Variants in GNG7 observed in about 807,000 individuals in gnomAD.
GNG7 encodes G protein subunit gamma 7, also known as guanine nucleotide-binding protein G(I)/G(S)/G(O) subunit gamma-7.
GNG7 carries 1 observed loss-of-function variant against 4.0 expected under a neutral mutation model. The observed-to-expected ratio is 0.25, with a 90% CI of 0.09 to 1.18. The LOEUF (loss-of-function observed/expected upper bound fraction) is 1.18, where lower values mean the gene tolerates loss of function less well. Ranked by LOEUF, GNG7 falls within the 50% of genes most tolerant of loss-of-function variation. The pLI is 0.50. For missense variants in GNG7, 86 were observed against 91.9 expected (o/e 0.94, Z 0.26); for synonymous variants, 34 against 36.9 (o/e 0.92, Z 0.29).
At chr19:2,589,966 C>T (rs776939471) in intron 2 of GNG7, among the ~76,000 whole-genome samples, 63 of 152,126 alleles carry the variant, frequency 4.1e-4, no homozygotes, top group Non-Finnish European at 7.6e-4. Context: ...CATGCACTGC[C>T]GTACTCAGCT....
At chr19:2,585,127 T>G (rs201908826) in intron 2 of GNG7, among the ~76,000 whole-genome samples, 46 of 64,662 alleles carry the variant, frequency 7.1e-4, no homozygotes, top group Middle Eastern at 5.1e-3. Context: ...AAGGTAGGAA[T>G]GAAGGAAGGA....
At chr19:2,676,102 G>C (rs1419065900) in intron 1 of GNG7, among the ~76,000 whole-genome samples, 1 of 152,222 alleles carries the variant, frequency 6.6e-6, no homozygotes, top group Non-Finnish European at 1.5e-5. Context: ...ACCAGCCCAG[G>C]GGCGCCAAGA....
At chr19:2,604,178 A>C (rs181439976) in intron 2 of GNG7, among the ~76,000 whole-genome samples, 1 of 152,084 alleles carries the variant, frequency 6.6e-6, no homozygotes, top group Non-Finnish European at 1.5e-5. Context: ...AACACACTGA[A>C]AAGTGGTCTT....
intron 4 of GNG7, among the ~76,000 whole-genome samples, chr19:2,517,523 C>T (rs919599582): frequency 6.6e-6 from 1 of 152,092 alleles, no homozygotes; most frequent in African/African-American, 2.4e-5. Context: ...CGCCACCACG[C>T]CAGGGTAATT....
intron 2 of GNG7, among the ~76,000 whole-genome samples, chr19:2,637,217 C>CCCA (rs386388382): frequency 0.017 from 2,647 of 152,006 alleles, 34 homozygotes; most frequent in Non-Finnish European, 0.027. Context: ...CAGGCTCCCC[C>CCCA]CGCCCCCGAG....
chr19:2,532,537 G>A (rs2144738977), intron 3 of GNG7, among the ~76,000 whole-genome samples: 1 of 152,230 alleles, frequency 6.6e-6, no homozygotes, highest in South Asian at 2.1e-4. Context: ...GGAGGAGAGA[G>A]AGAATGAAGC....
chr19:2,591,677 G>C (rs922068900), intron 2 of GNG7, among the ~76,000 whole-genome samples: 1 of 152,008 alleles, frequency 6.6e-6, no homozygotes, highest in Non-Finnish European at 1.5e-5. Flanking sequence ...TAGCAAACTG[G>C]AAGAAAATAG....
chr19:2,673,999 C>T (rs1342720969), intron 1 of GNG7, among the ~76,000 whole-genome samples: 1 of 152,202 alleles, frequency 6.6e-6, no homozygotes, highest in African/African-American at 2.4e-5. Flanking sequence ...GACCGTGGCT[C>T]ACGCCTGTAA....
intron 2 of GNG7, among the ~76,000 whole-genome samples, chr19:2,564,346 C>T (rs749805470): frequency 1.2e-4 from 18 of 151,976 alleles, no homozygotes; most frequent in South Asian, 4.1e-4. Flanking sequence ...TTTGGGAGGC[C>T]GAGGCGGGAG....
intron 2 of GNG7, among the ~76,000 whole-genome samples, chr19:2,630,972 C>A (rs1982144461): frequency 6.6e-6 from 1 of 152,076 alleles, no homozygotes; most frequent in Non-Finnish European, 1.5e-5. Flanking sequence ...TGTCCCTCCA[C>A]AATCAGCCAA....
intron 4 of GNG7, 103 bp from the exon 5 acceptor site, chr19:2,515,250 C>T: frequency 6.8e-7 from 1 of 1,465,562 alleles, no homozygotes; most frequent in Admixed American, 2.0e-5. Context: ...GGAAACAGCT[C>T]AGGAGCCCAT....
rs555316228 is a variant in GNG7 at position 2,511,721 on chromosome 19, C to G, written c.*3301G>C. On this transcript the variant is annotated 3_prime_UTR_variant, in exon 5 of 5. Transcript: ENST00000382159. The surrounding 1 kb of genome is among the most constrained non-coding windows in gnomAD (Gnocchi z 6.3). ...TGCGCCTCGGACACGGTGGCCGGCC[C>G]GTCAAAGGGACCACGCAGAAGGAGG... 2 of 847,026 alleles carry G rather than the reference C, an allele frequency of 2.4e-6. No homozygotes were observed. Among genetic ancestry groups the G allele is most frequent in the Non-Finnish European group, 2.8e-6 (2 of 703,466 alleles). The allele number at this position is 847,026 out of a possible 1,614,324, so 52.5% of individuals were successfully genotyped here. A position where few individuals can be genotyped will look rare whatever the true frequency, so the allele number is the denominator to read the frequency against.
intron 3 of GNG7, among the ~76,000 whole-genome samples, chr19:2,554,019 T>C (rs1450872118): frequency 1.5e-5 from 2 of 136,602 alleles, no homozygotes; most frequent in East Asian, 2.0e-4. Flanking sequence ...ATTATATGTA[T>C]ATATGTATAC....
chr19:2,606,679 A>C (rs1195901775), intron 2 of GNG7, among the ~76,000 whole-genome samples: 3 of 150,880 alleles, frequency 2.0e-5, no homozygotes, highest in Non-Finnish European at 2.9e-5. Context: ...TAATTAATTA[A>C]TTAATTAATT....
rs1211616570 is a variant in GNG7 at position 2,661,287 on chromosome 19, A to AAAG, written c.-134-15010_-134-15008dup. 6.1e-4 allele frequency among the ~76,000 whole-genome samples: 31 copies of AAAG among 50,628 alleles called. 1 individual carries two copies. Among genetic ancestry groups the AAAG allele is most frequent in the African/African-American group, 2.8e-3 (28 of 10,156 alleles). 33.2% of individuals were successfully genotyped at this position (50,628 alleles called of 152,430 possible). A position where few individuals can be genotyped will look rare whatever the true frequency, so the allele number is the denominator to read the frequency against. On this transcript the variant is annotated intron_variant, in intron 1 of 4. Transcript: ENST00000382159. ...AAAGAAAGAAAAGAAAGAAAGAAAG[A>AAAG]AAGAAAGAAAGAAAGAGAAAGAAAG...
intron 2 of GNG7, among the ~76,000 whole-genome samples, chr19:2,601,441 T>C (rs1981196635): frequency 6.6e-6 from 1 of 152,138 alleles, no homozygotes. Context: ...TACATGTACA[T>C]GCTTGCAATA....
chr19:2,581,355 C>A (rs1300540833), intron 2 of GNG7, among the ~76,000 whole-genome samples: 1 of 150,646 alleles, frequency 6.6e-6, no homozygotes, highest in Non-Finnish European at 1.5e-5. Flanking sequence ...CGGAGGGTGT[C>A]TCTCGGGTGG....
chr19:2,621,846 C>G (rs985956914), intron 2 of GNG7, among the ~76,000 whole-genome samples: 21 of 152,154 alleles, frequency 1.4e-4, no homozygotes, highest in Non-Finnish European at 1.8e-4. Flanking sequence ...AGGATCCTCT[C>G]CTGTAGCGCC....
Position 2,548,201 on chromosome 19 carries a change from A to C in GNG7, c.-38+6948T>G, listed in dbSNP as rs1262502277. On this transcript the variant is annotated intron_variant, in intron 3 of 4. Coordinates refer to ENST00000382159, the MANE Select transcript of GNG7 (RefSeq NM_052847.3). ...AAACAAAAATCAAAAAACAAAAACC[A>C]GGTATGGTGGCTCACGCCTGTAATC... Among the ~76,000 whole-genome samples the C allele has an allele frequency of 3.3e-5, 5 of 152,188 alleles. No individual in the cohort carries two copies. In the East Asian group the frequency reaches 9.7e-4, roughly 29 times the overall value.
Sources: allele counts gnomAD v4.1 joint callset (sites outside exome capture counted in the v4.1 genomes callset), GRCh38; gene constraint gnomAD v4.1.1; non-coding constraint Gnocchi (gnomAD v3.1); transcripts MANE v1.5; gene names NCBI Gene and HGNC (gene_info 2026-07-23, HGNC 2026-07-21).